Variants in THADA observed in about 807,000 individuals in gnomAD.
THADA encodes the protein THADA armadillo repeat containing.
In THADA, 213 loss-of-function variants were observed where a neutral mutation model predicts 219.8. The ratio of observed to expected loss-of-function variants is 0.97; its 90% CI spans 0.87 to 1.09. THADA has a LOEUF of 1.09. THADA is among the 50% of genes least tolerant of loss of function. The pLI, the probability that THADA is intolerant of heterozygous loss-of-function variation, is 0.00. For missense variants in THADA, 2,956 were observed against 2,311.3 expected, an observed-to-expected ratio of 1.28 and a Z score of -5.72; for synonymous variants, 1,018 against 828.9, an observed-to-expected ratio of 1.23 and a Z score of -3.92.
intron 20 of THADA, among the ~76,000 whole-genome samples, chr2:43,545,052 CAATATCTAATT>C (rs1055354872): frequency 3.3e-5 from 5 of 152,216 alleles, no homozygotes; most frequent in Admixed American, 3.3e-4. Flanking sequence ...TACGTCCCAT[CAATATCTAATT>C]TATTGAGTTT....
At position 43,232,798 on chromosome 2, in the gene THADA, T is replaced by C. The variant is rs750086155; in HGVS notation, c.5381A>G (p.Gln1794Arg). Residue 1794 changes from glutamine to arginine, a missense_variant, in exon 37 of 38, where the codon CAG becomes CGG. Transcript: ENST00000405975. ...VLCDLLQQWDQLAPGLPILLG... is the reference protein window; with the variant it reads ...VLCDLLQQWDRLAPGLPILLG... ...CAGGATGGGCAGTCCAGGGGCCAAC[T>C]GGTCCCACTGCTGGAGCAGATCACA... is the stretch of plus-strand genomic sequence containing the variant. 4 of 1,613,328 alleles carry C rather than the reference T, an allele frequency of 2.5e-6. No individual in the cohort carries two copies. In the African/African-American group the frequency reaches 5.3e-5, roughly 22 times the overall value.
chr2:43,239,698 C>T (rs978148759), intron 36 of THADA, among the ~76,000 whole-genome samples: 1 of 152,242 alleles, frequency 6.6e-6, no homozygotes, highest in Non-Finnish European at 1.5e-5. Context: ...CAAGAGAGGG[C>T]AATCAGCATA....
At chr2:43,397,322 G>C (rs1351083797) in intron 29 of THADA, among the ~76,000 whole-genome samples, 1 of 152,140 alleles carries the variant, frequency 6.6e-6, no homozygotes, top group Admixed American at 6.5e-5. Flanking sequence ...ATTTGAACAG[G>C]AGACCTCACC....
intron 28 of THADA, among the ~76,000 whole-genome samples, 195 bp downstream of exon 28, chr2:43,427,905 G>C (rs1040222539): frequency 4.7e-5 from 7 of 149,482 alleles, no homozygotes; most frequent in African/African-American, 1.7e-4. Flanking sequence ...GCAGTGAGCC[G>C]AGATCGCGCC....
At chr2:43,284,134 G>A (rs1036491131) in intron 35 of THADA, among the ~76,000 whole-genome samples, 3 of 152,136 alleles carry the variant, frequency 2.0e-5, no homozygotes, top group Non-Finnish European at 2.9e-5. Flanking sequence ...AGCCAAGATC[G>A]TGCCATTGCA....
intron 1 of THADA, among the ~76,000 whole-genome samples, chr2:43,594,796 T>C (rs1420456287): frequency 6.6e-6 from 1 of 152,138 alleles, no homozygotes; most frequent in African/African-American, 2.4e-5. Context: ...TTCCACATCT[T>C]TGCAAGACTG....
At chr2:43,364,185 T>A (rs1334258151) in intron 29 of THADA, among the ~76,000 whole-genome samples, 1 of 152,052 alleles carries the variant, frequency 6.6e-6, no homozygotes, top group Non-Finnish European at 1.5e-5. Context: ...GATCTGCTGC[T>A]GCACTCCAGC....
At chr2:43,308,750 A>G (rs1280313272) in intron 31 of THADA, among the ~76,000 whole-genome samples, 1 of 79,924 alleles carries the variant, frequency 1.3e-5, no homozygotes, top group Non-Finnish European at 2.6e-5. Flanking sequence ...AACATTGGAT[A>G]CCCATACCAA....
chr2:43,452,590 AAAG>A (rs1682479274), intron 26 of THADA, among the ~76,000 whole-genome samples: 1 of 152,138 alleles, frequency 6.6e-6, no homozygotes, highest in Admixed American at 6.5e-5. Context: ...GCCAGTTTCC[AAAG>A]AAGTTCATGT....
chr2:43,409,827 C>T (rs1022852381), intron 28 of THADA, among the ~76,000 whole-genome samples: 1 of 151,802 alleles, frequency 6.6e-6, no homozygotes, highest in African/African-American at 2.4e-5. Context: ...CGAGACCAGC[C>T]TGGGCAAAAT....
intron 26 of THADA, chr2:43,463,154 C>G (rs1025486488): frequency 6.6e-6 from 1 of 152,232 alleles, no homozygotes; most frequent in Non-Finnish European, 1.5e-5. Context: ...AATATTCTCT[C>G]TCTCTTTTTT....
chr2:43,419,534 C>T (rs1332074435), intron 28 of THADA, among the ~76,000 whole-genome samples: 1 of 152,136 alleles, frequency 6.6e-6, no homozygotes, highest in African/African-American at 2.4e-5. Flanking sequence ...TCATTTGAAG[C>T]CTTCTATAAT....
At chr2:43,428,890 C>CATGA (rs1678863613) in intron 27 of THADA, among the ~76,000 whole-genome samples, 2 of 152,082 alleles carry the variant, frequency 1.3e-5, no homozygotes, top group Admixed American at 1.3e-4. Flanking sequence ...TTTAAGAAAG[C>CATGA]ATGAATAGTC....
At chr2:43,502,499 C>T (rs914683493) in intron 24 of THADA, among the ~76,000 whole-genome samples, 1 of 149,806 alleles carries the variant, frequency 6.7e-6, no homozygotes, top group East Asian at 2.0e-4. Flanking sequence ...GCAGGAGAAT[C>T]GCTTGAACCT....
chr2:43,522,536 GA>G (rs1692629395), intron 22 of THADA, among the ~76,000 whole-genome samples: 2 of 152,238 alleles, frequency 1.3e-5, no homozygotes, highest in South Asian at 2.1e-4. Context: ...AGATCAAGGA[GA>G]AAAATTAATA....
intron 25 of THADA, chr2:43,486,376 G>A (rs1686919906): frequency 6.6e-6 from 1 of 152,094 alleles, no homozygotes; most frequent in African/African-American, 2.4e-5. Context: ...TGACTGTTTT[G>A]GCACTATAGG....
At chr2:43,392,435 C>G (rs1386602218) in intron 29 of THADA, among the ~76,000 whole-genome samples, 2 of 152,118 alleles carry the variant, frequency 1.3e-5, no homozygotes, top group Non-Finnish European at 2.9e-5. Context: ...TTCCACTGCT[C>G]CTGTCTGTAG....
Position 43,330,359 on chromosome 2 carries a change from G to A in THADA, c.4344-9819C>T, listed in dbSNP as rs541601722. On this transcript the variant is annotated intron_variant, in intron 30 of 37. Coordinates refer to ENST00000405975, the MANE Select transcript of THADA (RefSeq NM_022065.5). ...CCTGATCATCACTGGCAGCTGAGGG[G>A]AAGGAAAGGCTAGTGAGACTTAGGA... 9.2e-5 allele frequency among the ~76,000 whole-genome samples: 14 copies of A among 152,080 alleles called. 2 individuals carry two copies. In the East Asian group the frequency reaches 2.7e-3, roughly 29 times the overall value.
intron 36 of THADA, among the ~76,000 whole-genome samples, chr2:43,265,710 C>A (rs1017038260): frequency 1.3e-5 from 2 of 152,154 alleles, no homozygotes; most frequent in African/African-American, 4.8e-5. Context: ...GGCTGTAACT[C>A]AAAACTTGAA....
Sources: gnomAD v4.1 joint callset for allele counts (sites outside exome capture counted in the v4.1 genomes callset) on GRCh38, gnomAD v4.1.1 for gene constraint, MANE v1.5 for transcripts, NCBI Gene and HGNC (gene_info 2026-07-23, HGNC 2026-07-21) for gene names.